The following CYFIP2 variants were observed in gnomAD, a reference collection of about 807,000 sequenced individuals.
The protein encoded by CYFIP2 is cytoplasmic FMR1 interacting protein 2.
Under a neutral mutation model 158.7 loss-of-function variants are expected in CYFIP2, and 29 were observed. That is an observed-to-expected ratio of 0.18 (90% CI 0.14 to 0.25). The LOEUF is 0.25. Among genes scored for constraint, CYFIP2 ranks in the 10% least tolerant of loss-of-function variants. The pLI is 1.00. For missense variants in CYFIP2, 852 were observed against 1,639.5 expected (o/e 0.52, Z 8.29); for synonymous variants, 585 against 617.6 (o/e 0.95, Z 0.78).
At chr5:157,353,626 T>C (rs1187825525) in intron 23 of CYFIP2, among the ~76,000 whole-genome samples, 1 of 152,218 alleles carries the variant, frequency 6.6e-6, no homozygotes, top group African/African-American at 2.4e-5. Context: ...TCTTGCTCTG[T>C]GATCTTCCCG....
At chr5:157,367,582 T>G (rs928267440) in intron 26 of CYFIP2, among the ~76,000 whole-genome samples, 1 of 152,076 alleles carries the variant, frequency 6.6e-6, no homozygotes, top group Admixed American at 6.5e-5. Context: ...TTTTTGTTCT[T>G]TTCAACAGTT....
Position 157,330,779 on chromosome 5 carries a change from A to G in CYFIP2, c.2194A>G (p.Asn732Asp). Reference protein sequence around the residue: ...LDKRFRAECKNYGVIIPYPPS... With the variant: ...LDKRFRAECKDYGVIIPYPPS... ...TAAACGTTTTCGAGCTGAGTGTAAGAATTATGGCGTCATCATTCCGTATCC... is the reference window on the plus strand; with the variant it reads ...TAAACGTTTTCGAGCTGAGTGTAAGGATTATGGCGTCATCATTCCGTATCC... Residue 732 changes from asparagine (N) to aspartate (D), a missense_variant, in exon 20 of 31, where the codon AAT becomes GAT. Coordinates refer to ENST00000620254, the MANE Select transcript of CYFIP2 (RefSeq NM_001037333.3). The G allele has an allele frequency of 6.2e-7, 1 of 1,613,998 alleles. No homozygotes were observed. Among genetic ancestry groups the G allele is most frequent in the Non-Finnish European group, 8.5e-7 (1 of 1,179,890 alleles).
chr5:157,351,943 C>T (rs1292475003), intron 23 of CYFIP2, among the ~76,000 whole-genome samples: 1 of 152,176 alleles, frequency 6.6e-6, no homozygotes, highest in African/African-American at 2.4e-5. Flanking sequence ...CTCTTCTGAA[C>T]AGGCCCTACT....
chr5:157,321,295 T>C (rs1197453811), intron 15 of CYFIP2, among the ~76,000 whole-genome samples: 1 of 152,244 alleles, frequency 6.6e-6, no homozygotes, highest in Non-Finnish European at 1.5e-5. Flanking sequence ...TCTGATTATC[T>C]TCTCTGTAAA....
At chr5:157,328,384 G>A (rs997692010) in intron 19 of CYFIP2, among the ~76,000 whole-genome samples, 1 of 152,234 alleles carries the variant, frequency 6.6e-6, no homozygotes, top group African/African-American at 2.4e-5. Context: ...AGGCCATCTT[G>A]CGGAAGTGGC....
rs958704224 is a variant in CYFIP2, at chr5:157,266,611, C to G, written c.-24+416C>G. On this transcript the variant is annotated intron_variant, in intron 1 of 30. Coordinates refer to ENST00000620254, the MANE Select transcript of CYFIP2 (RefSeq NM_001037333.3). The surrounding 1 kb of genome is among the most constrained non-coding windows in gnomAD (Gnocchi z 4.2). ...TACTGCAGAGCGCTGGCCCCTGCCT[C>G]TGCCGCCGTGACCACCGTCACCTCC... 4 of 152,500 alleles carry G rather than the reference C, an allele frequency of 2.6e-5. No individual in the cohort carries two copies. The highest frequency in any genetic ancestry group is 3.3e-3 in the Middle Eastern group (1 of 302). 9.4% of individuals were successfully genotyped at this position (152,500 alleles called of 1,614,324 possible).
Position 157,324,167 on chromosome 5 carries a change from C to T in CYFIP2, c.1825+93C>T, listed in dbSNP as rs193150957. On this transcript the variant is annotated intron_variant, in intron 16 of 30. Transcript: ENST00000620254. ...CACCAAGCCAGGCATTGCAAAGGGA[C>T]GTGACCGTTGACCCTAAGGGGCACA... 5.3e-5 allele frequency: 75 copies of T among 1,421,482 alleles called. No homozygotes were observed. The Admixed American group carries it at 5.4e-4, about 10-fold the overall frequency. The allele number at this position is 1,421,482 out of a possible 1,614,324, so 88.1% of individuals were successfully genotyped here.
In CYFIP2 at chr5:157,300,701, C is replaced by T. The variant is rs761199392; in HGVS notation, c.388-14C>T. 1.9e-6 allele frequency: 3 copies of T among 1,556,572 alleles called. No homozygotes were observed. The highest frequency in any genetic ancestry group is 1.4e-5 in the African/African-American group (1 of 73,792). On this transcript the variant is annotated splice_polypyrimidine_tract_variant and intron_variant, in intron 5 of 30. Coordinates refer to ENST00000620254, the MANE Select transcript of CYFIP2 (RefSeq NM_001037333.3). ...GAGCACAGTGGACCTTACTCACTGC[C>T]CCTCTGCCCCCAGCGCAAGGCCATC... is the stretch of plus-strand genomic sequence containing the variant.
At chr5:157,385,430 G>C (rs1766579572) in intron 28 of CYFIP2, among the ~76,000 whole-genome samples, 1 of 152,152 alleles carries the variant, frequency 6.6e-6, no homozygotes, top group Non-Finnish European at 1.5e-5. Flanking sequence ...TTGGGCACAG[G>C]GTACTCGTAA....
At chr5:157,365,287 AAAGT>A (rs551448756) in intron 26 of CYFIP2, 36 of 152,362 alleles carry the variant, frequency 2.4e-4, no homozygotes, top group African/African-American at 4.3e-4. Flanking sequence ...TGCGAAGGAA[AAAGT>A]AAGAAATCTC....
At chr5:157,341,396 A>G (rs988246958) in intron 23 of CYFIP2, among the ~76,000 whole-genome samples, 1 of 152,046 alleles carries the variant, frequency 6.6e-6, no homozygotes, top group African/African-American at 2.4e-5. Flanking sequence ...CCAAAAAAAT[A>G]AAAAATAAAA....
Position 157,288,296 on chromosome 5 carries a change from G to A in CYFIP2, c.207+1188G>A, listed in dbSNP as rs78461054. 2.8e-3 allele frequency among the ~76,000 whole-genome samples: 420 copies of A among 152,268 alleles called. 4 individuals are homozygous for A. The highest frequency in any genetic ancestry group is 0.018 in the South Asian group (85 of 4,824). ...ATAATAACAGCATTAATTCTTTCATGGGGGTAGAGCCCTCATGACCTGATC... is the reference window on the plus strand; with the variant it reads ...ATAATAACAGCATTAATTCTTTCATAGGGGTAGAGCCCTCATGACCTGATC... On this transcript the variant is annotated intron_variant, in intron 3 of 30. Coordinates refer to ENST00000620254, the MANE Select transcript of CYFIP2 (RefSeq NM_001037333.3).
At chr5:157,392,721 T>C in intron 30 of CYFIP2, 112 bp from the exon 31 acceptor site, 4 of 1,195,452 alleles carry the variant, frequency 3.3e-6, no homozygotes, top group Non-Finnish European at 4.7e-6. Context: ...TTTAAGAAAG[T>C]GACATGATCA....
rs1355068915 is a variant in CYFIP2, at chr5:157,311,198, A to G, written c.993-466A>G. 2.4e-6 allele frequency: 1 copy of G among 421,092 alleles called. No individual in the cohort carries two copies. The highest frequency in any genetic ancestry group is 4.7e-6 in the Non-Finnish European group (1 of 211,046). 26.1% of individuals were successfully genotyped at this position (421,092 alleles called of 1,614,324 possible). A position where few individuals can be genotyped will look rare whatever the true frequency, so the allele number is the denominator to read the frequency against. On this transcript the variant is annotated intron_variant, in intron 10 of 30. Transcript: ENST00000620254. This position sits in a 1 kb window ranked among gnomAD's most constrained non-coding sequence, Gnocchi z 4.7. ...TCCATGTTGCCAGGGCACTGTTGGA[A>G]AAGAGGCACAGTCACATTCATATTT...
At chr5:157,378,273 G>A (rs1408699756) in intron 26 of CYFIP2, among the ~76,000 whole-genome samples, 1 of 152,160 alleles carries the variant, frequency 6.6e-6, no homozygotes, top group African/African-American at 2.4e-5. Flanking sequence ...GGGAATAAAG[G>A]TATCAGTAAT....
intron 1 of CYFIP2, among the ~76,000 whole-genome samples, chr5:157,268,626 G>T (rs763207799): frequency 6.6e-6 from 1 of 152,310 alleles, no homozygotes; most frequent in East Asian, 1.9e-4. Context: ...ACCACTGTTG[G>T]CCCCAGGGGT....
intron 5 of CYFIP2, among the ~76,000 whole-genome samples, chr5:157,297,561 C>T (rs962001970): frequency 6.6e-5 from 10 of 152,116 alleles, no homozygotes; most frequent in African/African-American, 1.4e-4. Context: ...GACCTGCCTT[C>T]GGGAGCCCAA....
Position 157,311,536 on chromosome 5 carries a change from G to T in CYFIP2, c.993-128G>T, listed in dbSNP as rs768885020. On this transcript the variant is annotated intron_variant, in intron 10 of 30. Coordinates refer to ENST00000620254, the MANE Select transcript of CYFIP2 (RefSeq NM_001037333.3). The surrounding 1 kb of genome is among the most constrained non-coding windows in gnomAD (Gnocchi z 4.7). ...CTTAGCAGGCTTTCTTGCTGAGGCGGCTGGGATACCATTTGGTGTCACCCA... is the reference window on the plus strand; with the variant it reads ...CTTAGCAGGCTTTCTTGCTGAGGCGTCTGGGATACCATTTGGTGTCACCCA... The T allele has an allele frequency of 1.8e-4, 132 of 723,384 alleles. No individual in the cohort carries two copies. Among genetic ancestry groups the T allele is most frequent in the Non-Finnish European group, 2.8e-4 (118 of 428,862 alleles). 44.8% of individuals were successfully genotyped at this position (723,384 alleles called of 1,614,324 possible). A position where few individuals can be genotyped will look rare whatever the true frequency, so the allele number is the denominator to read the frequency against.
chr5:157,292,498 C>T (rs1242950591), intron 3 of CYFIP2, among the ~76,000 whole-genome samples: 4 of 152,210 alleles, frequency 2.6e-5, no homozygotes, highest in African/African-American at 9.6e-5. Context: ...GGATTACAGA[C>T]GTGAGCCACC....
Sources: allele counts gnomAD v4.1 joint callset (sites outside exome capture counted in the v4.1 genomes callset), GRCh38; gene constraint gnomAD v4.1.1; non-coding constraint Gnocchi (gnomAD v3.1); transcripts MANE v1.5; gene names NCBI Gene and HGNC (gene_info 2026-07-23, HGNC 2026-07-21).